Variants in NTN4 observed in about 807,000 individuals in gnomAD.
NTN4 encodes netrin-4.
In NTN4, 32 loss-of-function variants were observed where a neutral mutation model predicts 73.6. That is an observed-to-expected ratio of 0.44 (90% CI 0.33 to 0.58). The LOEUF (loss-of-function observed/expected upper bound fraction) is 0.58, where lower values mean the gene tolerates loss of function less well. Ranked by LOEUF, NTN4 falls within the 20% of genes least tolerant of loss-of-function variation. NTN4 has a pLI of 0.04. For missense variants in NTN4, 654 were observed against 798.3 expected (o/e 0.82, Z 2.18); for synonymous variants, 258 against 287.5 (o/e 0.90, Z 1.04).
At chr12:95,684,324 G>A (rs561223909) in intron 5 of NTN4, among the ~76,000 whole-genome samples, 176 of 151,092 alleles carry the variant, frequency 1.2e-3, no homozygotes, top group Non-Finnish European at 1.3e-3. Flanking sequence ...TTTGAGAGAG[G>A]GTCTCACTCT....
Position 95,761,340 on chromosome 12 carries a change from T to C in NTN4, c.586-23196A>G, listed in dbSNP as rs571528136. ...AAAGAGATATTCTTTTTTTTTTTTT[T>C]CCCCAAGACGGAGTCTCGCTCTGTC... On this transcript the variant is annotated intron_variant, in intron 2 of 9. Coordinates refer to ENST00000343702, the MANE Select transcript of NTN4 (RefSeq NM_021229.4). Among the ~76,000 whole-genome samples the C allele has an allele frequency of 5.5e-4, 81 of 146,292 alleles. 1 individual carries two copies. In the East Asian group the frequency reaches 0.011, roughly 20 times the overall value.
At chr12:95,696,626 A>G (rs1012213881) in intron 5 of NTN4, among the ~76,000 whole-genome samples, 2 of 151,942 alleles carry the variant, frequency 1.3e-5, no homozygotes, top group African/African-American at 4.9e-5. Flanking sequence ...AACAATCATG[A>G]AATGATTTTA....
chr12:95,705,239 C>G (rs1278701397), intron 5 of NTN4, among the ~76,000 whole-genome samples: 1 of 151,872 alleles, frequency 6.6e-6, no homozygotes, highest in South Asian at 2.1e-4. Context: ...GACTTTGGAG[C>G]CTTTGGTCTT....
chr12:95,661,058 A>T (rs1440970472), intron 9 of NTN4, among the ~76,000 whole-genome samples: 1 of 152,250 alleles, frequency 6.6e-6, no homozygotes, highest in Non-Finnish European at 1.5e-5. Context: ...TGGTAAGTTG[A>T]GCACCAAGAA....
At chr12:95,744,546 GA>G (rs1373749842) in intron 2 of NTN4, among the ~76,000 whole-genome samples, 3 of 152,070 alleles carry the variant, frequency 2.0e-5, no homozygotes, top group Admixed American at 2.0e-4. Context: ...AAGAAACTAA[GA>G]AGAGTATACT....
At chr12:95,703,969 C>T (rs1443597028) in intron 5 of NTN4, among the ~76,000 whole-genome samples, 1 of 152,082 alleles carries the variant, frequency 6.6e-6, no homozygotes, top group African/African-American at 2.4e-5. Context: ...TCTCTGCTGC[C>T]CAGGCTGGAG....
At chr12:95,692,948 G>T (rs2078411998) in intron 5 of NTN4, among the ~76,000 whole-genome samples, 1 of 151,802 alleles carries the variant, frequency 6.6e-6, no homozygotes. Context: ...TGAGGTTTGA[G>T]ATCATGTATG....
chr12:95,786,851 A>C (rs895672107), intron 2 of NTN4, 88 bp downstream of exon 2: 7 of 997,946 alleles, frequency 7.0e-6, no homozygotes, highest in Non-Finnish European at 1.0e-5. Flanking sequence ...ATGTTGCTAC[A>C]AGTATAGCTT....
chr12:95,761,303 C>T (rs527360299), intron 2 of NTN4, among the ~76,000 whole-genome samples: 16 of 148,734 alleles, frequency 1.1e-4, no homozygotes, highest in South Asian at 4.3e-4. Context: ...TGAATTTTCC[C>T]GAGGCAGGAC....
intron 2 of NTN4, among the ~76,000 whole-genome samples, chr12:95,785,850 C>T (rs562218628): frequency 5.3e-5 from 8 of 152,310 alleles, no homozygotes; most frequent in East Asian, 3.9e-4. Context: ...TATGCCTAAT[C>T]GTCCAGGCTG....
intron 5 of NTN4, among the ~76,000 whole-genome samples, chr12:95,691,172 TA>T (rs2078398919): frequency 6.6e-6 from 1 of 152,250 alleles, no homozygotes; most frequent in Non-Finnish European, 1.5e-5. Flanking sequence ...ATCTGACACA[TA>T]CAATCTACTT....
intron 2 of NTN4, among the ~76,000 whole-genome samples, chr12:95,763,240 GAATTTTTAATAATCA>G (rs1248900290): frequency 6.6e-6 from 1 of 151,642 alleles, no homozygotes; most frequent in African/African-American, 2.4e-5. Flanking sequence ...ACAGCTCAAA[GAATTTTTAATAATCA>G]AAAAAGAACA....
chr12:95,781,337 G>A lies in NTN4; in HGVS notation c.585+5602C>T, dbSNP rs2079131816. On this transcript the variant is annotated intron_variant, in intron 2 of 9. Coordinates refer to ENST00000343702, the MANE Select transcript of NTN4 (RefSeq NM_021229.4). The surrounding 1 kb of genome is among the most constrained non-coding windows in gnomAD (Gnocchi z 4.1). ...TAAAAAACCATACCATTACCATAAA[G>A]CAAATGTGACCCTTAATTATAGGTT... Among the ~76,000 whole-genome samples the A allele has an allele frequency of 6.6e-6, 1 of 151,900 alleles. No homozygotes were observed. Among genetic ancestry groups the A allele is most frequent in the Non-Finnish European group, 1.5e-5 (1 of 67,996 alleles).
chr12:95,783,058 G>C (rs553759899), intron 2 of NTN4, among the ~76,000 whole-genome samples: 1 of 152,144 alleles, frequency 6.6e-6, no homozygotes, highest in Non-Finnish European at 1.5e-5. Context: ...TTAGCCTCAA[G>C]GTTATTATTA....
intron 6 of NTN4, 41 bp from the exon 7 acceptor site, chr12:95,682,863 T>A: frequency 8.3e-7 from 1 of 1,197,856 alleles, no homozygotes; most frequent in East Asian, 2.3e-5. Flanking sequence ...TTCAGGAATT[T>A]TTTAGAACTT....
intron 2 of NTN4, among the ~76,000 whole-genome samples, chr12:95,776,055 T>C (rs1157525664): frequency 6.6e-6 from 1 of 152,202 alleles, no homozygotes; most frequent in Non-Finnish European, 1.5e-5. Flanking sequence ...AAACAGGGTC[T>C]GGAGTAGACC....
chr12:95,725,602 C>T (rs753129474), intron 3 of NTN4, among the ~76,000 whole-genome samples: 2 of 152,108 alleles, frequency 1.3e-5, no homozygotes, highest in Non-Finnish European at 2.9e-5. Context: ...CTATACAGGG[C>T]ACAGGGTATT....
intron 3 of NTN4, among the ~76,000 whole-genome samples, chr12:95,724,179 G>T (rs568355086): frequency 2.0e-5 from 3 of 151,944 alleles, no homozygotes; most frequent in Non-Finnish European, 4.4e-5. Flanking sequence ...CTTCCCTCTG[G>T]GGACTGTAAT....
At chr12:95,765,803 T>G (rs2079017295) in intron 2 of NTN4, among the ~76,000 whole-genome samples, 1 of 152,236 alleles carries the variant, frequency 6.6e-6, no homozygotes, top group Non-Finnish European at 1.5e-5. Flanking sequence ...TTTATCTTAG[T>G]CTTTCTCACA....
Sources: allele counts gnomAD v4.1 joint callset (sites outside exome capture counted in the v4.1 genomes callset), GRCh38; gene constraint gnomAD v4.1.1; non-coding constraint Gnocchi (gnomAD v3.1); transcripts MANE v1.5; gene names NCBI Gene and HGNC (gene_info 2026-07-23, HGNC 2026-07-21).